Variants in DHPS observed in about 807,000 individuals in gnomAD.
DHPS encodes the protein migration-inducing gene 13.
DHPS carries 24 observed loss-of-function variants against 38.7 expected under a neutral mutation model. The ratio of observed to expected loss-of-function variants is 0.62; its 90% CI spans 0.45 to 0.87. The LOEUF (loss-of-function observed/expected upper bound fraction) is 0.87, where lower values mean the gene tolerates loss of function less well. DHPS is among the 40% of genes least tolerant of loss of function. The probability of loss-of-function intolerance (pLI) is 0.00; values close to 1 mark genes in which losing one functional copy is unlikely to be tolerated. For missense variants in DHPS, 510 were observed against 497.6 expected (o/e 1.02, Z -0.24); for synonymous variants, 250 against 204.4 (o/e 1.22, Z -1.90).
downstream of DHPS, among the ~76,000 whole-genome samples, chr19:12,673,815 T>TCAGCCTCCTGAG (rs1198752680): frequency 1.3e-5 from 2 of 152,252 alleles, no homozygotes; most frequent in African/African-American, 4.8e-5. Flanking sequence ...TTCTCATGTC[T>TCAGCCTCCTGAG]CAGCCTCCTG....
intron 2 of DHPS, 25 bp from the exon 3 acceptor site, chr19:12,679,947 G>A (rs753462254): frequency 1.2e-6 from 2 of 1,601,964 alleles, no homozygotes; most frequent in Non-Finnish European, 1.7e-6. Context: ...CAGTGAATTT[G>A]GCCCAAGAAG....
intron 1 of DHPS, chr19:12,681,322 A>T: frequency 9.0e-7 from 1 of 1,106,552 alleles, no homozygotes; most frequent in Non-Finnish European, 1.2e-6. Context: ...CCGCCCCCAC[A>T]CCAAGAATCA....
At chr19:12,672,675 G>A (rs1222504171), downstream of DHPS, 4 of 651,420 alleles carry the variant, frequency 6.1e-6, no homozygotes, top group East Asian at 1.1e-4. Context: ...GTGGGTCTTG[G>A]AAATGATGGA....
downstream of DHPS, chr19:12,673,415 T>A: frequency 1.3e-5 from 8 of 605,004 alleles, no homozygotes; most frequent in East Asian, 6.9e-5. Flanking sequence ...AGGATCTTTT[T>A]TTTTTTTTTT....
At chr19:12,681,445 G>A (rs1599386652) in intron 1 of DHPS, 115 bp downstream of exon 1, 11 of 1,274,182 alleles carry the variant, frequency 8.6e-6, no homozygotes, top group Admixed American at 2.2e-5. Context: ...CAACTATTGG[G>A]CAACTCAAAT....
chr19:12,675,759 A>C lies in DHPS; in HGVS notation c.*79T>G, dbSNP rs1453424273. The C allele has an allele frequency of 6.4e-7, 1 of 1,567,168 alleles. No homozygotes were observed. The highest frequency in any genetic ancestry group is 8.7e-7 in the Non-Finnish European group (1 of 1,155,434). ...CCATCTTATTCTAGAGACGTAGCTG[A>C]CCAAAAAGTAGGGGAGGGGCTGGGT... is the stretch of plus-strand genomic sequence containing the variant. On this transcript the variant is annotated 3_prime_UTR_variant, in exon 9 of 9. Transcript: ENST00000210060.
rs1214481190 is a variant in DHPS, at chr19:12,676,017, C to T, written c.1014G>A (p.Lys338=). The change falls in exon 8 of 9, where the codon AAG becomes AAA. Residue 338 remains lysine, a splice_region_variant and synonymous_variant. Transcript: ENST00000210060. ...TATGCCCCACCCAGCCAGCGCTTAC[C>T]TTGACGGGCTGTGCATCCACCCGGA... ...GKIRVDAQPV[K]VYADASLVFP... The T allele has an allele frequency of 7.4e-6, 12 of 1,613,604 alleles. No individual in the cohort carries two copies. The highest frequency in any genetic ancestry group is 1.0e-5 in the Non-Finnish European group (12 of 1,179,780).
At position 12,677,339 on chromosome 19, in the gene DHPS, A is replaced by T. The variant is rs1490410242; in HGVS notation, c.736T>A (p.Phe246Ile). 2.5e-6 allele frequency: 4 copies of T among 1,614,212 alleles called. No homozygotes were observed. Among genetic ancestry groups the T allele is most frequent in the Non-Finnish European group, 1.7e-6 (2 of 1,180,036 alleles). Residue 246 changes from phenylalanine to isoleucine, a missense_variant, in exon 6 of 9, where the codon TTC becomes ATC. Phe to Ile is a conservative substitution (Grantham distance 21, BLOSUM62 0). Coordinates refer to ENST00000210060, the MANE Select transcript of DHPS (RefSeq NM_001930.4). ...CCCGGGTTCTTGTAGGAATGGAAGAAGATCATGTCGCCCAGCGAGCCGTCT... is the reference window on the plus strand; with the variant it reads ...CCCGGGTTCTTGTAGGAATGGAAGATGATCATGTCGCCCAGCGAGCCGTCT... ...LTDGSLGDMI[F>I]FHSYKNPGLV...
In DHPS at chr19:12,677,023, T is replaced by C. The variant is rs2024615806; in HGVS notation, c.888+85A>G. 3 of 1,285,038 alleles carry C rather than the reference T, an allele frequency of 2.3e-6. No homozygotes were observed. In the South Asian group the frequency reaches 3.7e-5, roughly 16 times the overall value. The allele number at this position is 1,285,038 out of a possible 1,614,324, so 79.6% of individuals were successfully genotyped here. ...CGGGGAGCAGGGATCCTGGCCTGTC[T>C]AGTTCATGCTGTCTACCCAGCACAT... On this transcript the variant is annotated intron_variant, in intron 7 of 8. Coordinates refer to ENST00000210060, the MANE Select transcript of DHPS (RefSeq NM_001930.4).
downstream of DHPS, among the ~76,000 whole-genome samples, chr19:12,673,925 C>A (rs1355218551): frequency 6.6e-6 from 1 of 152,182 alleles, no homozygotes; most frequent in East Asian, 1.9e-4. Context: ...GTCTCAAACT[C>A]CTGACCTCAA....
chr19:12,673,410 C>CTTTTTT (rs58676851), downstream of DHPS: 6 of 248,014 alleles, frequency 2.4e-5, no homozygotes, highest in East Asian at 1.1e-4. Context: ...AGGCTAGGAT[C>CTTTTTT]TTTTTTTTTT....
In DHPS at chr19:12,681,879, A is replaced by T; in HGVS notation, c.-113T>A. The stretch of plus-strand genomic sequence containing the variant: ...TCCGCAAGAGCACAGGAAGTAGGGA[A>T]CGTGCTTTGGGCGAAAGACCGGAAG... On this transcript the variant is annotated 5_prime_UTR_variant, in exon 1 of 9. Transcript: ENST00000210060. 1.0e-6 allele frequency: 1 copy of T among 958,542 alleles called. No individual in the cohort carries two copies. Among genetic ancestry groups the T allele is most frequent in the South Asian group, 1.5e-5 (1 of 65,208 alleles). The allele number at this position is 958,542 out of a possible 1,614,324, so 59.4% of individuals were successfully genotyped here.
rs1474230766 is a variant in DHPS at position 12,681,754 on chromosome 19, G to T, written c.13C>A (p.Leu5Met). The stretch of plus-strand genomic sequence containing the variant: ...GCCCCCGCTGGCGCCTCCCGTTCCA[G>T]GGAACCTTCCATGCGCCTATAGCCG... Reference protein sequence around the residue: MEGSLEREAPAGALA... With the variant: MEGSMEREAPAGALA... Residue 5 changes from leucine (L) to methionine (M), a missense_variant, in exon 1 of 9, where the codon CTG becomes ATG. Coordinates refer to ENST00000210060, the MANE Select transcript of DHPS (RefSeq NM_001930.4). 1 of 1,610,018 alleles carries T rather than the reference G, an allele frequency of 6.2e-7. No individual in the cohort carries two copies.
intron 5 of DHPS, among the ~76,000 whole-genome samples, chr19:12,677,704 C>T (rs966072064): frequency 2.6e-5 from 4 of 152,126 alleles, no homozygotes; most frequent in South Asian, 2.1e-4. Context: ...GGCACTATCT[C>T]AGCTCACTGC....
At chr19:12,673,227 T>C, downstream of DHPS, 3 of 1,613,948 alleles carry the variant, frequency 1.9e-6, no homozygotes, top group Non-Finnish European at 1.7e-6. Flanking sequence ...GAACCAGGAA[T>C]ACAAGCTGGA....
downstream of DHPS, chr19:12,673,273 G>A (rs375508885): frequency 9.3e-6 from 15 of 1,614,114 alleles, no homozygotes; most frequent in African/African-American, 1.3e-5. Context: ...CATGTGGTCA[G>A]CTGTTCTGAG....
intron 5 of DHPS, 121 bp downstream of exon 5, chr19:12,679,336 T>C (rs966351936): frequency 5.2e-6 from 5 of 952,384 alleles, no homozygotes; most frequent in Non-Finnish European, 6.6e-6. Flanking sequence ...TGTGTTTGAG[T>C]CTCCTCATCT....
At chr19:12,675,989 C>T in intron 8 of DHPS, 28 bp downstream of exon 8, 5 of 1,610,404 alleles carry the variant, frequency 3.1e-6, no homozygotes, top group East Asian at 2.2e-5. Flanking sequence ...GTCCCAGAGA[C>T]CCTATGCCCC....
At chr19:12,681,279 C>T in intron 1 of DHPS, 1 of 1,300,210 alleles carries the variant, frequency 7.7e-7, no homozygotes, top group Non-Finnish European at 1.0e-6. Flanking sequence ...CCAGGCTCCG[C>T]CCATTCCAGA....
Sources: allele counts gnomAD v4.1 joint callset (sites outside exome capture counted in the v4.1 genomes callset), GRCh38; gene constraint gnomAD v4.1.1; transcripts MANE v1.5; gene names NCBI Gene and HGNC (gene_info 2026-07-23, HGNC 2026-07-21).